The following DACH1 variants were observed in gnomAD, a reference collection of about 807,000 sequenced individuals.
DACH1 encodes dachshund homolog 1.
A neutral mutation model predicts 54.2 loss-of-function variants in DACH1; 12 were observed. That is an observed-to-expected ratio of 0.22 (90% CI 0.14 to 0.36). DACH1 has a LOEUF of 0.36. Ranked by LOEUF, DACH1 falls within the 10% of genes least tolerant of loss-of-function variation. The pLI is 1.00. For missense variants in DACH1, 805 were observed against 929.8 expected (o/e 0.87, Z 1.75); for synonymous variants, 386 against 366.2 (o/e 1.05, Z -0.62).
chr13:71,686,642 TC>T (rs1193698858), intron 1 of DACH1, among the ~76,000 whole-genome samples: 1 of 152,238 alleles, frequency 6.6e-6, no homozygotes, highest in Non-Finnish European at 1.5e-5. Context: ...TTTGTGGACA[TC>T]ATCTTTTGTT....
intron 7 of DACH1, among the ~76,000 whole-genome samples, chr13:71,486,204 T>C (rs567893385): frequency 6.6e-6 from 1 of 152,018 alleles, no homozygotes; most frequent in East Asian, 1.9e-4. Flanking sequence ...TAACACTTTA[T>C]GAAAACACGT....
chr13:71,705,096 T>C (rs966530053), intron 1 of DACH1, among the ~76,000 whole-genome samples: 11 of 152,196 alleles, frequency 7.2e-5, no homozygotes, highest in Non-Finnish European at 1.6e-4. Flanking sequence ...CTAGCACATA[T>C]ATAAAGAGTG....
intron 1 of DACH1, among the ~76,000 whole-genome samples, chr13:71,803,280 T>C (rs937685066): frequency 6.6e-6 from 1 of 152,140 alleles, no homozygotes; most frequent in African/African-American, 2.4e-5. Context: ...GCAATTTCAT[T>C]ACACAACTAG....
chr13:71,455,314 T>C (rs1041641), intron 10 of DACH1, among the ~76,000 whole-genome samples: 130,361 of 152,066 alleles, frequency 0.86, 58,865 homozygotes, highest in Non-Finnish European at 0.99. Flanking sequence ...ATATCATATA[T>C]CTATCTCTCC....
intron 3 of DACH1, among the ~76,000 whole-genome samples, chr13:71,592,802 C>G (rs533466803): frequency 6.6e-6 from 1 of 152,220 alleles, no homozygotes; most frequent in Admixed American, 6.5e-5. Flanking sequence ...CAATAGTTTC[C>G]TTAAATTTCT....
At chr13:71,684,717 A>C (rs1881073595) in intron 1 of DACH1, among the ~76,000 whole-genome samples, 1 of 152,162 alleles carries the variant, frequency 6.6e-6, no homozygotes, top group Admixed American at 6.5e-5. Flanking sequence ...GAAATTGCAC[A>C]AAATATATCT....
rs146715488 is a variant in DACH1, at chr13:71,562,063, A to G, written c.1300-2108T>C. 1.2e-4 allele frequency among the ~76,000 whole-genome samples: 18 copies of G among 152,258 alleles called. No homozygotes were observed. In the East Asian group the frequency reaches 3.3e-3, roughly 28 times the overall value. Reference sequence around the variant, plus strand: ...TTTAATCTCGAAAGTTGCAATGCGTATTACAATCTTGTCGTAATGATAACT... The same window carrying G: ...TTTAATCTCGAAAGTTGCAATGCGTGTTACAATCTTGTCGTAATGATAACT... On this transcript the variant is annotated intron_variant, in intron 4 of 10. Coordinates refer to ENST00000613252, the MANE Select transcript of DACH1 (RefSeq NM_080759.6).
chr13:71,781,007 G>A (rs922699025), intron 1 of DACH1, among the ~76,000 whole-genome samples: 4 of 152,040 alleles, frequency 2.6e-5, no homozygotes, highest in Admixed American at 1.3e-4. Context: ...GTGGTGGCAC[G>A]TGCCTGTAGT....
At chr13:71,449,701 C>T (rs868377501) in intron 10 of DACH1, among the ~76,000 whole-genome samples, 6 of 151,980 alleles carry the variant, frequency 3.9e-5, no homozygotes, top group African/African-American at 1.5e-4. Context: ...GAATTTATTG[C>T]ATCATTAAAA....
At chr13:71,635,643 C>T (rs1005379774) in intron 2 of DACH1, among the ~76,000 whole-genome samples, 2 of 152,084 alleles carry the variant, frequency 1.3e-5, no homozygotes, top group African/African-American at 4.8e-5. Flanking sequence ...ATTTGCCACA[C>T]CCTTTTCCTT....
rs569711493 is a variant in DACH1, at chr13:71,762,235, G to A, written c.849-80325C>T. 7.2e-5 allele frequency among the ~76,000 whole-genome samples: 11 copies of A among 152,128 alleles called. No homozygotes were observed. In the South Asian group the frequency reaches 1.7e-3, roughly 23 times the overall value. ...TACTCCCCCATGCCAAGCCCATATCGCTGGATCACAGTCTATGACATTCAT... is the reference window on the plus strand; with the variant it reads ...TACTCCCCCATGCCAAGCCCATATCACTGGATCACAGTCTATGACATTCAT... On this transcript the variant is annotated intron_variant, in intron 1 of 10. Transcript: ENST00000613252.
intron 4 of DACH1, among the ~76,000 whole-genome samples, chr13:71,572,231 A>G (rs952408962): frequency 1.3e-5 from 2 of 152,202 alleles, no homozygotes; most frequent in Non-Finnish European, 2.9e-5. Flanking sequence ...ATTTACATAT[A>G]TAACACATAC....
chr13:71,535,025 A>G (rs1882666429), intron 6 of DACH1, among the ~76,000 whole-genome samples: 1 of 151,804 alleles, frequency 6.6e-6, no homozygotes, highest in Non-Finnish European at 1.5e-5. Flanking sequence ...CTGACTCTTT[A>G]ACTCCCAGAA....
At chr13:71,857,692 A>G (rs1015065288) in intron 1 of DACH1, among the ~76,000 whole-genome samples, 27 of 151,792 alleles carry the variant, frequency 1.8e-4, no homozygotes, top group African/African-American at 6.0e-4. Context: ...TATGAAAAAT[A>G]AAAGTGTTCC....
At chr13:71,480,245 T>C (rs947375413) in intron 7 of DACH1, among the ~76,000 whole-genome samples, 3 of 152,164 alleles carry the variant, frequency 2.0e-5, no homozygotes, top group Non-Finnish European at 2.9e-5. Context: ...CTTGGTTTAG[T>C]AGTGCATTAC....
intron 3 of DACH1, among the ~76,000 whole-genome samples, chr13:71,621,804 G>A (rs528237686): frequency 4.6e-5 from 7 of 152,116 alleles, no homozygotes; most frequent in African/African-American, 7.2e-5. Flanking sequence ...GAAGGAAACC[G>A]TATCCGTTTC....
chr13:71,854,732 G>T (rs2138273530), intron 1 of DACH1, among the ~76,000 whole-genome samples: 1 of 152,170 alleles, frequency 6.6e-6, no homozygotes, highest in African/African-American at 2.4e-5. Flanking sequence ...ATCACAGTTA[G>T]AGAGAGTGGA....
At chr13:71,780,005 G>GGAATGAAT (rs201886906) in intron 1 of DACH1, among the ~76,000 whole-genome samples, 3 of 149,856 alleles carry the variant, frequency 2.0e-5, no homozygotes, top group Non-Finnish European at 2.9e-5. Flanking sequence ...TATGAAGGAA[G>GGAATGAAT]GAATGAATGA....
At chr13:71,667,551 T>A (rs1748394619) in intron 2 of DACH1, among the ~76,000 whole-genome samples, 1 of 152,222 alleles carries the variant, frequency 6.6e-6, no homozygotes, top group South Asian at 2.1e-4. Flanking sequence ...ATTCCAATAG[T>A]TCTCTCTCAT....
Sources: allele counts gnomAD v4.1 joint callset (sites outside exome capture counted in the v4.1 genomes callset), GRCh38; gene constraint gnomAD v4.1.1; transcripts MANE v1.5; gene names NCBI Gene and HGNC (gene_info 2026-07-23, HGNC 2026-07-21).